SEL1L2: variants seen among roughly 807,000 people sequenced by gnomAD.
SEL1L2 encodes the protein SEL1L2 adaptor subunit of SYVN1 ubiquitin ligase.
Under a neutral mutation model 98.8 loss-of-function variants are expected in SEL1L2, and 89 were observed. The ratio of observed to expected loss-of-function variants is 0.90; its 90% CI spans 0.76 to 1.07. The LOEUF (loss-of-function observed/expected upper bound fraction) is 1.07, where lower values mean the gene tolerates loss of function less well. SEL1L2 is among the 50% of genes least tolerant of loss of function. SEL1L2 has a pLI of 0.00. For missense variants in SEL1L2, 788 were observed against 812.0 expected, an observed-to-expected ratio of 0.97 and a Z score of 0.36; for synonymous variants, 262 against 278.5, an observed-to-expected ratio of 0.94 and a Z score of 0.59.
upstream of SEL1L2, among the ~76,000 whole-genome samples, chr20:13,992,143 GAA>G (rs1601083059): frequency 2.6e-5 from 4 of 152,188 alleles, no homozygotes; most frequent in Non-Finnish European, 5.9e-5. Flanking sequence ...TGTTCAAGCT[GAA>G]ATATGAAGAA....
rs190953396 is a variant in SEL1L2 at position 13,888,897 on chromosome 20, C to T, written c.550-385G>A. 4.6e-5 allele frequency among the ~76,000 whole-genome samples: 7 copies of T among 151,000 alleles called. No homozygotes were observed. The East Asian group carries it at 5.8e-4, about 13-fold the overall frequency. ...TCCTGACCTCGTGATCTACCCGCCTCGGCCTCCCAAAGTGTTGGGATTACA... is the reference window on the plus strand; with the variant it reads ...TCCTGACCTCGTGATCTACCCGCCTTGGCCTCCCAAAGTGTTGGGATTACA... On this transcript the variant is annotated intron_variant, in intron 5 of 19. Transcript: ENST00000284951.
chr20:13,978,141 G>T (rs2051636168), intron 1 of SEL1L2, among the ~76,000 whole-genome samples: 1 of 152,044 alleles, frequency 6.6e-6, no homozygotes. Context: ...GCATGATACG[G>T]GACTAAAAAC....
intron 1 of SEL1L2, among the ~76,000 whole-genome samples, chr20:13,966,651 A>T (rs1232583783): frequency 6.6e-6 from 1 of 151,882 alleles, no homozygotes; most frequent in African/African-American, 2.4e-5. Flanking sequence ...GTCATTTCAT[A>T]TTTTCTTATT....
At position 13,939,040 on chromosome 20, in the gene SEL1L2, G is replaced by GTTTTTTTTTTTTTTTTTTTTTTTTTTTTT. The variant is rs386365633; in HGVS notation, c.115-7270_115-7269insAAAAAAAAAAAAAAAAAAAAAAAAAAAAA. ...TCTTTTTGGTTTGTTTGCTTGTTTT[G>GTTTTTTTTTTTTTTTTTTTTTTTTTTTTT]TTTTTTTTTTTTTTTTTTTCTGAGA... On this transcript the variant is annotated intron_variant, in intron 2 of 19. Transcript: ENST00000284951. Among the ~76,000 whole-genome samples, 16 of 114,080 alleles carry GTTTTTTTTTTTTTTTTTTTTTTTTTTTTT rather than the reference G, an allele frequency of 1.4e-4. 1 individual carries two copies. Among genetic ancestry groups the GTTTTTTTTTTTTTTTTTTTTTTTTTTTTT allele is most frequent in the African/African-American group, 4.8e-4 (14 of 28,892 alleles). 74.8% of individuals were successfully genotyped at this position (114,080 alleles called of 152,430 possible). A position where few individuals can be genotyped will look rare whatever the true frequency, so the allele number is the denominator to read the frequency against.
upstream of SEL1L2, chr20:13,994,889 C>G (rs1260866686): frequency 6.6e-6 from 1 of 152,222 alleles, no homozygotes; most frequent in African/African-American, 2.4e-5. Flanking sequence ...TAAACTTCAC[C>G]AAATTCCAAT....
intron 18 of SEL1L2, among the ~76,000 whole-genome samples, chr20:13,850,568 T>C (rs1988085702): frequency 1.3e-5 from 2 of 152,118 alleles, no homozygotes; most frequent in South Asian, 4.1e-4. Context: ...GGACTCAACT[T>C]GCCATTGTTG....
Position 13,865,229 on chromosome 20 carries a change from AT to A in SEL1L2, c.1582del (p.Ile528PhefsTer28). On this transcript the variant is annotated frameshift_variant, in exon 17 of 20. Transcript: ENST00000284951. LOFTEE classifies it high-confidence loss of function. ...TGGATACATCTTCTCTTTTTCAAGA[AT>A]GTTAGCCTTTTCTAAAAAGAGGAGA... is the stretch of plus-strand genomic sequence containing the variant. ...AFILESKKANILEKEKMYPMA... is the reference protein window; with the variant it reads ...AFILESKKANXLEKEKMYPMA... 1.2e-6 allele frequency: 2 copies of A among 1,613,642 alleles called. No individual in the cohort carries two copies. Among genetic ancestry groups the A allele is most frequent in the Non-Finnish European group, 1.7e-6 (2 of 1,179,596 alleles).
At chr20:13,865,262 A>G (rs1178604871) in intron 16 of SEL1L2, 21 bp from the exon 17 acceptor site, 46 of 1,611,690 alleles carry the variant, frequency 2.9e-5, no homozygotes, top group Non-Finnish European at 3.8e-5. Context: ...GAGACATTCC[A>G]TTAGGAAGGC....
At chr20:13,868,287 T>G (rs549654059) in intron 14 of SEL1L2, among the ~76,000 whole-genome samples, 10 of 152,122 alleles carry the variant, frequency 6.6e-5, no homozygotes, top group Non-Finnish European at 1.2e-4. Flanking sequence ...TCTATCACGG[T>G]TAAAGAGGCT....
intron 2 of SEL1L2, among the ~76,000 whole-genome samples, chr20:13,952,475 A>T (rs2050319106): frequency 6.6e-6 from 1 of 152,224 alleles, no homozygotes; most frequent in South Asian, 2.1e-4. Flanking sequence ...AATTCCTATT[A>T]TCTAGGCCCT....
At chr20:13,862,461 A>G (rs6033839) in intron 17 of SEL1L2, among the ~76,000 whole-genome samples, 17,302 of 152,160 alleles carry the variant, frequency 0.11, 1,073 homozygotes, top group African/African-American at 0.16. Context: ...GCCCTGTATG[A>G]GCTCAGGTCT....
intron 2 of SEL1L2, among the ~76,000 whole-genome samples, chr20:13,936,765 A>G (rs1458868395): frequency 1.3e-5 from 2 of 152,146 alleles, no homozygotes; most frequent in East Asian, 3.9e-4. Flanking sequence ...TTCTATTGCA[A>G]TTCCCCTGTC....
intron 5 of SEL1L2, among the ~76,000 whole-genome samples, chr20:13,889,764 C>T (rs1158846591): frequency 6.6e-6 from 1 of 152,122 alleles, no homozygotes; most frequent in East Asian, 1.9e-4. Flanking sequence ...GCACTCCAGC[C>T]TGGGTGACAG....
At chr20:13,957,868 C>A (rs1307674101) in intron 1 of SEL1L2, among the ~76,000 whole-genome samples, 1 of 152,138 alleles carries the variant, frequency 6.6e-6, no homozygotes, top group Admixed American at 6.6e-5. Flanking sequence ...CAGAGCGAGA[C>A]CCTGTCTTAA....
At chr20:13,895,888 ATGGACCAGG>A (rs1224272635) in intron 5 of SEL1L2, among the ~76,000 whole-genome samples, 2 of 152,216 alleles carry the variant, frequency 1.3e-5, no homozygotes, top group Non-Finnish European at 2.9e-5. Context: ...AAACTAATAA[ATGGACCAGG>A]TGTGGTGGCT....
chr20:13,898,153 A>T (rs777075398), intron 5 of SEL1L2, among the ~76,000 whole-genome samples: 1 of 152,098 alleles, frequency 6.6e-6, no homozygotes, highest in Non-Finnish European at 1.5e-5. Context: ...AAAGAACATA[A>T]AGCAGACTCT....
intron 4 of SEL1L2, among the ~76,000 whole-genome samples, chr20:13,916,657 T>G (rs561317598): frequency 6.6e-6 from 1 of 152,028 alleles, no homozygotes; most frequent in Non-Finnish European, 1.5e-5. Flanking sequence ...AATACAAAAA[T>G]TAGCCGGGTG....
At chr20:13,947,895 C>T (rs1478931756) in intron 2 of SEL1L2, among the ~76,000 whole-genome samples, 2 of 152,342 alleles carry the variant, frequency 1.3e-5, no homozygotes, top group South Asian at 2.1e-4. Context: ...AGCTGGTGTG[C>T]CTGGCTGTGC....
At chr20:13,984,650 CT>C (rs1569089125) in intron 1 of SEL1L2, among the ~76,000 whole-genome samples, 2 of 152,074 alleles carry the variant, frequency 1.3e-5, no homozygotes, top group African/African-American at 4.8e-5. Context: ...CAAAGTCTCT[CT>C]CTTTCTTTCT....
Sources: gnomAD v4.1 joint callset for allele counts (sites outside exome capture counted in the v4.1 genomes callset) on GRCh38, gnomAD v4.1.1 for gene constraint, MANE v1.5 for transcripts, NCBI Gene and HGNC (gene_info 2026-07-23, HGNC 2026-07-21) for gene names.